ASIC2: variants seen among roughly 807,000 people sequenced by gnomAD.
The protein encoded by ASIC2 is acid-sensing ion channel 2.
ASIC2 carries 25 observed loss-of-function variants against 57.3 expected under a neutral mutation model. The observed-to-expected ratio is 0.44, with a 90% CI of 0.32 to 0.61. ASIC2 has a LOEUF of 0.61. Ranked by LOEUF, ASIC2 falls within the 20% of genes least tolerant of loss-of-function variation. The probability of loss-of-function intolerance (pLI) is 0.06; values close to 1 mark genes in which losing one functional copy is unlikely to be tolerated. For missense variants in ASIC2, 641 were observed against 738.1 expected (o/e 0.87, Z 1.52); for synonymous variants, 319 against 307.5 (o/e 1.04, Z -0.39).
At chr17:33,216,639 G>T (rs1907498617) in intron 1 of ASIC2, among the ~76,000 whole-genome samples, 1 of 152,252 alleles carries the variant, frequency 6.6e-6, no homozygotes, top group Non-Finnish European at 1.5e-5. Flanking sequence ...TGGCATGAGG[G>T]TGCTATGCTT....
Position 33,205,579 on chromosome 17 carries a change from G to A in ASIC2, c.708+85829C>T, listed in dbSNP as rs1277090616. ...TGGAACAAACACTTTTTTGGTTGTA[G>A]GTATAATACCTATAACAACCTGAAC... On this transcript the variant is annotated intron_variant, in intron 1 of 9. Transcript: ENST00000225823. Among the ~76,000 whole-genome samples, 3 of 152,068 alleles carry A rather than the reference G, an allele frequency of 2.0e-5. No individual in the cohort carries two copies. In the East Asian group the frequency reaches 5.8e-4, roughly 29 times the overall value.
chr17:33,413,247 G>A (rs1910726061), intron 1 of ASIC2, among the ~76,000 whole-genome samples: 1 of 152,150 alleles, frequency 6.6e-6, no homozygotes. Flanking sequence ...GCCTCAGCAG[G>A]GAATTAGCAA....
chr17:33,269,751 T>TTTCCTTCCTACCTTCC (rs1904405735), intron 1 of ASIC2, among the ~76,000 whole-genome samples: 1 of 102,966 alleles, frequency 9.7e-6, no homozygotes, highest in African/African-American at 3.7e-5. Context: ...TCCTTCCTTC[T>TTTCCTTCCTACCTTCC]TTCCTTCCTT....
At chr17:33,025,501 T>G (rs1031792479) in intron 5 of ASIC2, among the ~76,000 whole-genome samples, 2 of 152,150 alleles carry the variant, frequency 1.3e-5, no homozygotes, top group African/African-American at 4.8e-5. Context: ...AGAATCACCT[T>G]GGCCTCCCCA....
chr17:33,193,646 C>T (rs948505045), intron 1 of ASIC2, among the ~76,000 whole-genome samples: 7 of 152,128 alleles, frequency 4.6e-5, no homozygotes, highest in African/African-American at 1.7e-4. Context: ...AGCTCCCTTG[C>T]CACTTATTGG....
At position 33,365,713 on chromosome 17, in the gene ASIC2, T is replaced by G. The variant is rs114899785; in HGVS notation, c.556-253646A>C. On this transcript the variant is annotated intron_variant, in intron 1 of 9. Coordinates refer to the ASIC2 transcript ENST00000359872. ...CTATATAACAACAGGTTGGGCCTGA[T>G]GACTTAAAAAAAAAACCTTACTTTA... Among the ~76,000 whole-genome samples, 987 of 152,176 alleles carry G rather than the reference T, an allele frequency of 6.5e-3. 10 individuals are homozygous for G. Among genetic ancestry groups the G allele is most frequent in the African/African-American group, 0.022 (932 of 41,546 alleles).
chr17:33,104,155 G>T (rs1474697965), intron 2 of ASIC2, among the ~76,000 whole-genome samples: 1 of 152,116 alleles, frequency 6.6e-6, no homozygotes. Context: ...ATTTACGGTT[G>T]TCTTTTCTCC....
At chr17:33,645,769 C>T (rs145372784) in intron 1 of ASIC2, among the ~76,000 whole-genome samples, 1 of 152,268 alleles carries the variant, frequency 6.6e-6, no homozygotes, top group African/African-American at 2.4e-5. Flanking sequence ...TTCTGCTGGG[C>T]ATTGGTTCCA....
chr17:33,662,657 AAATAAATAAAT>A (rs1310663184), intron 1 of ASIC2, among the ~76,000 whole-genome samples: 266 of 146,410 alleles, frequency 1.8e-3, no homozygotes, highest in South Asian at 4.0e-3. Context: ...ATAAATAAAT[AAATAAATAAAT>A]AAGTAAAATA....
At chr17:33,089,627 G>A (rs1376268112) in intron 2 of ASIC2, among the ~76,000 whole-genome samples, 2 of 152,318 alleles carry the variant, frequency 1.3e-5, no homozygotes, top group Non-Finnish European at 1.5e-5. Flanking sequence ...TCTATAGAAT[G>A]AGATTATAAC....
chr17:33,280,851 T>TGAGATCACAGTGGATGC (rs1330217125), intron 1 of ASIC2, among the ~76,000 whole-genome samples: 196 of 152,312 alleles, frequency 1.3e-3, no homozygotes, highest in Non-Finnish European at 2.3e-3. Flanking sequence ...TTTATGGATG[T>TGAGATCACAGTGGATGC]GAGTTCACAG....
chr17:33,080,585 T>C (rs2092109289), intron 3 of ASIC2, among the ~76,000 whole-genome samples: 2 of 152,180 alleles, frequency 1.3e-5, no homozygotes. Context: ...TGATAAAGTT[T>C]AATTTATAAA....
At chr17:34,089,401 T>C (rs112097904) in intron 1 of ASIC2, among the ~76,000 whole-genome samples, 4,925 of 152,150 alleles carry the variant, frequency 0.032, 254 homozygotes, top group African/African-American at 0.1. Flanking sequence ...AATACCAAGG[T>C]GATAGCCAGG....
At chr17:33,759,489 C>A (rs373958090) in intron 1 of ASIC2, among the ~76,000 whole-genome samples, 1 of 152,174 alleles carries the variant, frequency 6.6e-6, no homozygotes. Flanking sequence ...GCCTGTTGAC[C>A]TTTTGCTAAA....
intron 1 of ASIC2, among the ~76,000 whole-genome samples, chr17:33,811,515 A>G (rs745465027): frequency 6.6e-6 from 1 of 152,188 alleles, no homozygotes; most frequent in Non-Finnish European, 1.5e-5. Flanking sequence ...TCACCAGCCC[A>G]TGAATGCCGA....
intron 1 of ASIC2, among the ~76,000 whole-genome samples, chr17:33,860,236 C>T (rs754725177): frequency 1.3e-5 from 2 of 152,156 alleles, no homozygotes; most frequent in Non-Finnish European, 2.9e-5. Flanking sequence ...GAGGCCTTCA[C>T]CTTCTTCCCT....
chr17:33,885,196 G>A (rs1914800265), intron 1 of ASIC2, among the ~76,000 whole-genome samples: 2 of 152,146 alleles, frequency 1.3e-5, no homozygotes, highest in African/African-American at 4.8e-5. Context: ...GCTGTCCTGT[G>A]TATGTAAATA....
At chr17:33,739,281 C>T (rs771043864) in intron 1 of ASIC2, among the ~76,000 whole-genome samples, 5 of 151,926 alleles carry the variant, frequency 3.3e-5, no homozygotes, top group Non-Finnish European at 7.4e-5. Context: ...TGGGTCAAAC[C>T]AAAAAGAGGG....
intron 1 of ASIC2, among the ~76,000 whole-genome samples, chr17:33,590,571 A>C (rs1904793283): frequency 6.6e-6 from 1 of 150,996 alleles, no homozygotes; most frequent in South Asian, 2.1e-4. Flanking sequence ...CAATCTCTAC[A>C]CCACACCCCA....
Sources: allele counts gnomAD v4.1 joint callset (sites outside exome capture counted in the v4.1 genomes callset), GRCh38; gene constraint gnomAD v4.1.1; transcripts MANE v1.5; gene names NCBI Gene and HGNC (gene_info 2026-07-23, HGNC 2026-07-21).